The following ARHGEF10 variants were observed in gnomAD, a reference collection of about 807,000 sequenced individuals.
ARHGEF10 encodes Rho guanine nucleotide exchange factor (GEF) 10.
ARHGEF10 carries 140 observed loss-of-function variants against 147.4 expected under a neutral mutation model. That is an observed-to-expected ratio of 0.95 (90% CI 0.83 to 1.09). The LOEUF (loss-of-function observed/expected upper bound fraction) is 1.09, where lower values mean the gene tolerates loss of function less well. Among genes scored for constraint, ARHGEF10 ranks in the 50% least tolerant of loss-of-function variants. The pLI is 0.00. For missense variants in ARHGEF10, 2,222 were observed against 1,752.7 expected (o/e 1.27, Z -4.78); for synonymous variants, 902 against 695.8 (o/e 1.30, Z -4.67).
In ARHGEF10 at chr8:1,928,553, G is replaced by C; in HGVS notation, c.2824G>C (p.Glu942Gln). The change falls in exon 24 of 29, where the codon GAG becomes CAG. Residue 942 changes from glutamate (E) to glutamine (Q), a missense_variant. Glu to Gln is a conservative substitution (Grantham distance 29). Coordinates refer to ENST00000349830, the MANE Select transcript of ARHGEF10 (RefSeq NM_014629.4). ...GTGCATGCTGTACGTTCCCGTCGAG[G>C]AGAAGCGCAGAGAGCCTGGGGCACC... is the stretch of plus-strand genomic sequence containing the variant. The part of the protein sequence containing the change: ...ILCMLYVPVE[E>Q]KRREPGAPPD... 6.2e-7 allele frequency: 1 copy of C among 1,614,250 alleles called. No individual in the cohort carries two copies. Among genetic ancestry groups the C allele is most frequent in the Non-Finnish European group, 8.5e-7 (1 of 1,180,048 alleles).
chr8:1,861,078 G>A (rs1033435267), intron 4 of ARHGEF10, among the ~76,000 whole-genome samples: 2 of 152,222 alleles, frequency 1.3e-5, no homozygotes, highest in Non-Finnish European at 2.9e-5. Context: ...AGCGAGGACT[G>A]TGGGTGCCCT....
At chr8:1,931,707 A>G in intron 25 of ARHGEF10, among the ~76,000 whole-genome samples, 1 of 152,186 alleles carries the variant, frequency 6.6e-6, no homozygotes, top group East Asian at 1.9e-4. Context: ...TGAGCTTTCA[A>G]GGGACTTAAA....
chr8:1,838,841 C>A (rs1177749000), intron 1 of ARHGEF10, among the ~76,000 whole-genome samples: 1 of 151,864 alleles, frequency 6.6e-6, no homozygotes, highest in Admixed American at 6.6e-5. Flanking sequence ...TGCTGTCTGG[C>A]ATGGAAGCTG....
intron 23 of ARHGEF10, 198 bp downstream of exon 23, chr8:1,926,661 A>G: frequency 1.5e-6 from 1 of 645,650 alleles, no homozygotes; most frequent in South Asian, 1.7e-5. Flanking sequence ...TAGGAATGCA[A>G]ATATTTGTTT....
At position 1,898,524 on chromosome 8, in the gene ARHGEF10, A is replaced by G; in HGVS notation, c.1649A>G (p.Gln550Arg). The change falls in exon 15 of 29, where the codon CAG becomes CGG. Residue 550 changes from glutamine (Q) to arginine (R), a missense_variant and splice_region_variant. Physicochemically the swap from Gln to Arg is conservative, Grantham distance 43. Transcript: ENST00000349830. Reference protein sequence around the residue: ...QRFPQFILLLQDMLKNTSKGH... With the variant: ...QRFPQFILLLRDMLKNTSKGH... ...TTCCCACAGTTCATCCTCCTGCTCC[A>G]GGTAAGTGCTTCACGGAGACCTCCT... 6.2e-7 allele frequency: 1 copy of G among 1,613,862 alleles called. No homozygotes were observed. Among genetic ancestry groups the G allele is most frequent in the Non-Finnish European group, 8.5e-7 (1 of 1,179,750 alleles).
intron 26 of ARHGEF10, among the ~76,000 whole-genome samples, chr8:1,935,532 C>T (rs376890570): frequency 5.7e-4 from 87 of 152,176 alleles, no homozygotes; most frequent in Middle Eastern, 3.2e-3. Flanking sequence ...ACACTAAGTA[C>T]GACCTGGTTG....
chr8:1,908,745 T>C (rs927516930), intron 17 of ARHGEF10, among the ~76,000 whole-genome samples: 5 of 152,204 alleles, frequency 3.3e-5, no homozygotes, highest in African/African-American at 1.2e-4. Context: ...TTCACGTATA[T>C]GTTCTATTTA....
intron 11 of ARHGEF10, among the ~76,000 whole-genome samples, chr8:1,890,609 G>A (rs1456743407): frequency 7.4e-6 from 1 of 134,394 alleles, no homozygotes; most frequent in Non-Finnish European, 1.6e-5. Context: ...TGAGTTTGGC[G>A]AAGGTTATGA....
intron 23 of ARHGEF10, chr8:1,927,190 A>G (rs903385647): frequency 5.2e-5 from 8 of 153,802 alleles, no homozygotes; most frequent in South Asian, 2.0e-4. Flanking sequence ...GAGTAGCCTT[A>G]ATTCCCTTGG....
At chr8:1,843,220 G>A in intron 1 of ARHGEF10, 133 bp from the exon 2 acceptor site, 1 of 679,948 alleles carries the variant, frequency 1.5e-6, no homozygotes, top group East Asian at 2.7e-5. Context: ...AATAGGTGGT[G>A]AGTCTTCTAA....
At chr8:1,935,311 C>G (rs1299059691) in intron 26 of ARHGEF10, among the ~76,000 whole-genome samples, 2 of 152,094 alleles carry the variant, frequency 1.3e-5, no homozygotes, top group Admixed American at 6.6e-5. Context: ...TCCACAGTCC[C>G]TCATCACTCA....
Position 1,926,514 on chromosome 8 carries a change from C to T in ARHGEF10, c.2697+51C>T, listed in dbSNP as rs772404358. On this transcript the variant is annotated intron_variant, in intron 23 of 28. Transcript: ENST00000349830. Reference sequence around the variant, plus strand: ...TACAAGTTCACAGAGAATCAACGTTCATGGTCGGTGTGATGAGAGACTGAG... The same window carrying T: ...TACAAGTTCACAGAGAATCAACGTTTATGGTCGGTGTGATGAGAGACTGAG... 14 of 1,536,610 alleles carry T rather than the reference C, an allele frequency of 9.1e-6. No homozygotes were observed. The African/African-American group carries it at 1.4e-4, about 15-fold the overall frequency.
At chr8:1,930,779 C>T (rs1015763339) in intron 25 of ARHGEF10, among the ~76,000 whole-genome samples, 1 of 152,238 alleles carries the variant, frequency 6.6e-6, no homozygotes, top group Non-Finnish European at 1.5e-5. Context: ...GTGGTTCCGG[C>T]CTGGCCTGTG....
intron 28 of ARHGEF10, among the ~76,000 whole-genome samples, chr8:1,955,291 CA>C (rs1815433939): frequency 6.7e-6 from 1 of 150,034 alleles, no homozygotes; most frequent in East Asian, 2.0e-4. Context: ...CACACTCTCA[CA>C]GTTTCTCTGG....
At chr8:1,940,538 T>C (rs1283851109) in intron 26 of ARHGEF10, among the ~76,000 whole-genome samples, 2 of 152,210 alleles carry the variant, frequency 1.3e-5, no homozygotes, top group Non-Finnish European at 2.9e-5. Context: ...GCTTCATTGG[T>C]GAATTCTAAC....
At chr8:1,885,928 C>A (rs984951816) in intron 11 of ARHGEF10, among the ~76,000 whole-genome samples, 8 of 152,206 alleles carry the variant, frequency 5.3e-5, no homozygotes, top group African/African-American at 1.9e-4. Flanking sequence ...TGGACTCAGG[C>A]CCTTCTGGTC....
intron 11 of ARHGEF10, among the ~76,000 whole-genome samples, chr8:1,887,017 T>C (rs6992200): frequency 0.043 from 6,561 of 152,226 alleles, 171 homozygotes; most frequent in East Asian, 0.075. Context: ...TCAGGAGTTA[T>C]AAAAGGGGTT....
At chr8:1,904,102 A>T (rs1228220163) in intron 16 of ARHGEF10, 1 of 152,480 alleles carries the variant, frequency 6.6e-6, no homozygotes, top group African/African-American at 2.4e-5. Context: ...GTTTCAAAAA[A>T]AAAAAAAATT....
At chr8:1,945,947 G>C (rs1457323245) in intron 27 of ARHGEF10, 1 of 321,440 alleles carries the variant, frequency 3.1e-6, no homozygotes, top group Admixed American at 4.8e-5. Flanking sequence ...GGTCAGAGTG[G>C]GTGGGAGACG....
Sources: gnomAD v4.1 joint callset for allele counts (sites outside exome capture counted in the v4.1 genomes callset) on GRCh38, gnomAD v4.1.1 for gene constraint, MANE v1.5 for transcripts, NCBI Gene and HGNC (gene_info 2026-07-23, HGNC 2026-07-21) for gene names.